PCED1B: variants seen among roughly 807,000 people sequenced by gnomAD.
The protein encoded by PCED1B is PC-esterase domain containing 1B.
For missense variants in PCED1B, 573 were observed against 573.9 expected (o/e 1.00, Z 0.02); for synonymous variants, 251 against 246.1 (o/e 1.02, Z -0.19).
chr12:47,149,667 TTTTC>T (rs1437990642), intron 2 of PCED1B, among the ~76,000 whole-genome samples: 1 of 152,216 alleles, frequency 6.6e-6, no homozygotes, highest in Non-Finnish European at 1.5e-5. Context: ...TTTAATAGCT[TTTTC>T]TTTTTCTCTG....
chr12:47,092,047 GA>G (rs1938289006), intron 1 of PCED1B, among the ~76,000 whole-genome samples: 1 of 151,998 alleles, frequency 6.6e-6, no homozygotes, highest in African/African-American at 2.4e-5. Context: ...TGAATTTTAG[GA>G]AAACTTGTCA....
At chr12:47,085,677 A>G (rs1362634727) in intron 1 of PCED1B, among the ~76,000 whole-genome samples, 1 of 152,210 alleles carries the variant, frequency 6.6e-6, no homozygotes, top group Non-Finnish European at 1.5e-5. Flanking sequence ...ATTATATGGT[A>G]TGCATAGATA....
chr12:47,117,767 C>T lies in PCED1B; in HGVS notation c.-526+13572C>T, dbSNP rs576200272. Among the ~76,000 whole-genome samples the T allele has an allele frequency of 5.3e-5, 8 of 152,278 alleles. No individual in the cohort carries two copies. The East Asian group carries it at 5.8e-4, about 11-fold the overall frequency. ...TTCTAGTTCTAGATCCTTGAGGAAT[C>T]GCCACACTGTCTTCCACAATGATTG... is the stretch of plus-strand genomic sequence containing the variant. On this transcript the variant is annotated intron_variant, in intron 2 of 3. Coordinates refer to ENST00000546455, the MANE Select transcript of PCED1B (RefSeq NM_138371.3).
At chr12:47,084,429 C>T in intron 1 of PCED1B, among the ~76,000 whole-genome samples, 1 of 152,162 alleles carries the variant, frequency 6.6e-6, no homozygotes, top group Non-Finnish European at 1.5e-5. Flanking sequence ...TTTTCATCAC[C>T]CCAAAAAGAG....
intron 2 of PCED1B, chr12:47,208,842 G>T (rs1360606524): frequency 1.3e-5 from 2 of 152,330 alleles, no homozygotes; most frequent in Admixed American, 6.5e-5. Flanking sequence ...GCCGGGTGCA[G>T]TGGTTCATGT....
In PCED1B at chr12:47,235,706, C is replaced by G; in HGVS notation, c.643C>G (p.His215Asp). ...ACATAACTTCGATGTACTGGACTTG[C>G]ATTTCCACTTCCGCCACGCGAGGGA... Reference protein sequence around the residue: ...RKHNFDVLDLHFHFRHARENL... With the variant: ...RKHNFDVLDLDFHFRHARENL... Residue 215 changes from histidine to aspartate, a missense_variant, in exon 4 of 4, where the codon CAT becomes GAT. By Grantham distance (81) the His-to-Asp change is moderately conservative. Transcript: ENST00000546455. The G allele has an allele frequency of 6.2e-7, 1 of 1,612,828 alleles. No homozygotes were observed. Among genetic ancestry groups the G allele is most frequent in the Non-Finnish European group, 8.5e-7 (1 of 1,179,668 alleles).
At chr12:47,186,881 T>A (rs1412931896) in intron 2 of PCED1B, among the ~76,000 whole-genome samples, 2 of 152,152 alleles carry the variant, frequency 1.3e-5, no homozygotes, top group Non-Finnish European at 2.9e-5. Flanking sequence ...TCTTTTTATA[T>A]CCTATTGGCC....
At chr12:47,183,770 C>T (rs1446199208) in intron 2 of PCED1B, among the ~76,000 whole-genome samples, 1 of 152,208 alleles carries the variant, frequency 6.6e-6, no homozygotes, top group Non-Finnish European at 1.5e-5. Context: ...GACAGGGACT[C>T]ATCTGTATAC....
chr12:47,157,187 G>A (rs1404338570), intron 2 of PCED1B, among the ~76,000 whole-genome samples: 2 of 152,040 alleles, frequency 1.3e-5, no homozygotes, highest in Non-Finnish European at 2.9e-5. Context: ...CCTGTAGGTA[G>A]AGCTTACCCC....
intron 2 of PCED1B, among the ~76,000 whole-genome samples, chr12:47,177,379 A>G (rs1941956193): frequency 6.6e-6 from 1 of 152,204 alleles, no homozygotes; most frequent in African/African-American, 2.4e-5. Flanking sequence ...ATAAGAGAGC[A>G]TTTTGGCTGA....
At chr12:47,217,581 GT>G (rs1943336736) in intron 3 of PCED1B, among the ~76,000 whole-genome samples, 2 of 151,972 alleles carry the variant, frequency 1.3e-5, no homozygotes, top group Admixed American at 1.3e-4. Context: ...GGTTGTTTTT[GT>G]TTTTGTTTTT....
intron 2 of PCED1B, among the ~76,000 whole-genome samples, chr12:47,112,334 A>G (rs1234329100): frequency 1.3e-5 from 2 of 152,206 alleles, no homozygotes; most frequent in Non-Finnish European, 2.9e-5. Context: ...TTCCAAATAC[A>G]GAGTCTTGAT....
In PCED1B at chr12:47,235,956, C is replaced by T. The variant is rs200700432; in HGVS notation, c.893C>T (p.Thr298Ile). The T allele has an allele frequency of 4.8e-4, 767 of 1,612,202 alleles. 6 individuals carry two copies. Among genetic ancestry groups the T allele is most frequent in the Non-Finnish European group, 8.2e-5 (97 of 1,179,274 alleles). The change falls in exon 4 of 4, where the codon ACA (threonine) becomes ATA (isoleucine). Residue 298 changes from threonine to isoleucine, a missense_variant. Coordinates refer to ENST00000546455, the MANE Select transcript of PCED1B (RefSeq NM_138371.3). ...LPLSPPLPSP[T>I]YRPLLGFPPQ... ...CTGTCCCCACCCTTACCTTCCCCCA[C>T]ATACCGCCCCCTGCTTGGGTTCCCA... is the stretch of plus-strand genomic sequence containing the variant.
In PCED1B at chr12:47,235,859, A is replaced by T. The variant is rs1437634719; in HGVS notation, c.796A>T (p.Ile266Phe). The T allele has an allele frequency of 6.3e-7, 1 of 1,578,362 alleles. No individual in the cohort carries two copies. Among genetic ancestry groups the T allele is most frequent in the East Asian group, 2.3e-5 (1 of 42,654 alleles). Residue 266 changes from isoleucine (I) to phenylalanine (F), a missense_variant, in exon 4 of 4, where the codon ATC (isoleucine) becomes TTC (phenylalanine). Transcript: ENST00000546455. ...CCACCGCCACCCCGTGGGCGAGTGG[A>T]TCAAGAAGAAAAAACCTGGCCCGAG... Reference protein sequence around the residue: ...LPHRHPVGEWIKKKKPGPRVE... With the variant: ...LPHRHPVGEWFKKKKPGPRVE...
chr12:47,177,076 G>C (rs1359788213), intron 2 of PCED1B, among the ~76,000 whole-genome samples: 1 of 152,202 alleles, frequency 6.6e-6, no homozygotes, highest in Non-Finnish European at 1.5e-5. Flanking sequence ...TGAAGCACCA[G>C]CTGTGAACTC....
At chr12:47,135,055 G>A (rs966245528) in intron 2 of PCED1B, among the ~76,000 whole-genome samples, 5 of 152,042 alleles carry the variant, frequency 3.3e-5, no homozygotes, top group Non-Finnish European at 4.4e-5. Context: ...TATTTGCACC[G>A]ATGGATTTAA....
chr12:47,218,148 A>T (rs1327835338), intron 3 of PCED1B, among the ~76,000 whole-genome samples: 1 of 152,176 alleles, frequency 6.6e-6, no homozygotes, highest in African/African-American at 2.4e-5. Context: ...AGAGCTGTTG[A>T]CTTATTTTTG....
chr12:47,188,534 T>G (rs1942346333), intron 2 of PCED1B, among the ~76,000 whole-genome samples: 1 of 152,244 alleles, frequency 6.6e-6, no homozygotes, highest in African/African-American at 2.4e-5. Flanking sequence ...TGAAAGGATT[T>G]GAGCCATTTC....
intron 2 of PCED1B, among the ~76,000 whole-genome samples, chr12:47,173,817 A>G (rs1422709511): frequency 6.6e-6 from 1 of 152,228 alleles, no homozygotes; most frequent in Non-Finnish European, 1.5e-5. Context: ...AAAAATGATT[A>G]TACGAGGCTC....
Sources: gnomAD v4.1 joint callset for allele counts (sites outside exome capture counted in the v4.1 genomes callset) on GRCh38, gnomAD v4.1.1 for gene constraint, MANE v1.5 for transcripts, NCBI Gene and HGNC (gene_info 2026-07-23, HGNC 2026-07-21) for gene names.